Variants in SEL1L3 observed in about 807,000 individuals in gnomAD.
SEL1L3 encodes the protein protein sel-1 homolog 3.
Under a neutral mutation model 142.8 loss-of-function variants are expected in SEL1L3, and 76 were observed. The ratio of observed to expected loss-of-function variants is 0.53; its 90% CI spans 0.44 to 0.64. The LOEUF is 0.64. Among genes scored for constraint, SEL1L3 ranks in the 30% least tolerant of loss-of-function variants. SEL1L3 has a pLI of 0.00. For synonymous variants in SEL1L3, 504 were observed against 519.6 expected, an observed-to-expected ratio of 0.97 and a Z score of 0.41; for missense variants, 1,262 against 1,381.7, an observed-to-expected ratio of 0.91 and a Z score of 1.37.
intron 15 of SEL1L3, 101 bp from the exon 16 acceptor site, chr4:25,779,304 A>T (rs1321781275): frequency 4.7e-6 from 6 of 1,277,650 alleles, no homozygotes; most frequent in Non-Finnish European, 6.4e-6. Context: ...TTACAGGCTT[A>T]TAACTTCTGA....
chr4:25,729,927 C>CCTT, the SEL1L3 span, among the ~76,000 whole-genome samples: 5,647 of 151,284 alleles, frequency 0.037, 369 homozygotes, highest in African/African-American at 0.13. Flanking sequence ...TTCTTCTTCT[C>CCTT]CTTCTTCTTC....
At chr4:25,795,514 G>A (rs1712673548) in intron 11 of SEL1L3, among the ~76,000 whole-genome samples, 2 of 152,190 alleles carry the variant, frequency 1.3e-5, no homozygotes, top group Non-Finnish European at 2.9e-5. Flanking sequence ...CTGTGTGCTT[G>A]GCTGTACTGG....
At chr4:25,737,037 T>C in the SEL1L3 span, among the ~76,000 whole-genome samples, 1 of 150,498 alleles carries the variant, frequency 6.6e-6, no homozygotes, top group African/African-American at 2.4e-5. Flanking sequence ...CAGGCTGGAG[T>C]GCAATGGCAC....
chr4:25,775,654 T>TG (rs1560290489), intron 17 of SEL1L3, among the ~76,000 whole-genome samples: 1 of 152,210 alleles, frequency 6.6e-6, no homozygotes, highest in Non-Finnish European at 1.5e-5. Flanking sequence ...GTAAAATCTA[T>TG]GAGTAACAGC....
chr4:25,785,609 A>G (rs900635263), intron 13 of SEL1L3, among the ~76,000 whole-genome samples: 2 of 152,162 alleles, frequency 1.3e-5, no homozygotes, highest in African/African-American at 4.8e-5. Context: ...AAACCAATGA[A>G]CTGAAGCAAA....
rs765113575 is a variant in SEL1L3, at chr4:25,758,901, G to C, written c.3083+40C>G. On this transcript the variant is annotated intron_variant, in intron 21 of 23. Transcript: ENST00000399878. Reference sequence around the variant, plus strand: ...CAAGAAGCGAACATCATCTACTTGGGTTCCCTCAGATTCCACAGTTCTAGA... The same window carrying C: ...CAAGAAGCGAACATCATCTACTTGGCTTCCCTCAGATTCCACAGTTCTAGA... 3 of 1,576,992 alleles carry C rather than the reference G, an allele frequency of 1.9e-6. No individual in the cohort carries two copies. The African/African-American group carries it at 4.1e-5, about 22-fold the overall frequency.
intron 1 of SEL1L3, among the ~76,000 whole-genome samples, chr4:25,849,236 G>T (rs1389553957): frequency 6.6e-6 from 1 of 152,128 alleles, no homozygotes; most frequent in Non-Finnish European, 1.5e-5. Flanking sequence ...TTGTACACCC[G>T]TGTTCATAAC....
rs1159642488 is a variant in SEL1L3 at position 25,747,871 on chromosome 4, T to C, written c.*554A>G. 6.5e-6 allele frequency: 1 copy of C among 152,782 alleles called. No homozygotes were observed. Among genetic ancestry groups the C allele is most frequent in the Non-Finnish European group, 1.5e-5 (1 of 68,152 alleles). The allele number at this position is 152,782 out of a possible 1,614,324, so 9.5% of individuals were successfully genotyped here. A position where few individuals can be genotyped will look rare whatever the true frequency, so the allele number is the denominator to read the frequency against. On this transcript the variant is annotated 3_prime_UTR_variant, in exon 24 of 24. Transcript: ENST00000399878. ...AAAAATGTAAACCAATTTACAAAGCTATTGCCCTCCCTGCATTTCCAGGCA... is the reference window on the plus strand; with the variant it reads ...AAAAATGTAAACCAATTTACAAAGCCATTGCCCTCCCTGCATTTCCAGGCA...
At chr4:25,787,647 T>C (rs1711944618) in intron 13 of SEL1L3, among the ~76,000 whole-genome samples, 1 of 152,156 alleles carries the variant, frequency 6.6e-6, no homozygotes, top group African/African-American at 2.4e-5. Flanking sequence ...GAACACGGCA[T>C]TTTATGGTCC....
intron 2 of SEL1L3, among the ~76,000 whole-genome samples, chr4:25,837,192 G>A: frequency 6.6e-6 from 1 of 150,892 alleles, no homozygotes; most frequent in Non-Finnish European, 1.5e-5. Flanking sequence ...GAATCTGAAG[G>A]AAAAATTCAC....
chr4:25,862,917 CGCCCCCGGCCGGGCCG>C lies in SEL1L3; in HGVS notation c.-97_-82del. 1.0e-6 allele frequency: 1 copy of C among 962,206 alleles called. No homozygotes were observed. The highest frequency in any genetic ancestry group is 1.2e-6 in the Non-Finnish European group (1 of 807,880). 59.6% of individuals were successfully genotyped at this position (962,206 alleles called of 1,614,324 possible). On this transcript the variant is annotated 5_prime_UTR_variant, in exon 1 of 24. Coordinates refer to ENST00000399878, the MANE Select transcript of SEL1L3 (RefSeq NM_015187.5). ...CCGCCCGAGGCGCCACCTTCCCGCCCGCCCCCGGCCGGGCCGGCCGCCGCGCGCGGGGCCACCTGCC... is the reference window on the plus strand; with the variant it reads ...CCGCCCGAGGCGCCACCTTCCCGCCCGCCGCCGCGCGCGGGGCCACCTGCC...
At chr4:25,722,810 C>G in the SEL1L3 span, among the ~76,000 whole-genome samples, 1 of 152,018 alleles carries the variant, frequency 6.6e-6, no homozygotes, top group African/African-American at 2.4e-5. Context: ...TGTGGGCACA[C>G]AGGTTCAAGC....
intron 15 of SEL1L3, among the ~76,000 whole-genome samples, chr4:25,780,950 C>T (rs376547671): frequency 6.6e-6 from 1 of 151,430 alleles, no homozygotes; most frequent in Admixed American, 6.6e-5. Flanking sequence ...CTCAGCCTCT[C>T]GAGTGCCTGA....
At chr4:25,806,540 G>T (rs76027291) in intron 9 of SEL1L3, among the ~76,000 whole-genome samples, 2,727 of 152,206 alleles carry the variant, frequency 0.018, 38 homozygotes, top group Non-Finnish European at 0.03. Flanking sequence ...ATGCTGACAC[G>T]TTGTCAATGA....
In SEL1L3 at chr4:25,847,682, T is replaced by C; in HGVS notation, c.345A>G (p.Ala115=). ...TACTTCTGAACTCAGATGAAACAAC[T>C]GCTTCCAAATTGACAACACAAGGCT... The part of the protein sequence containing the change: ...CSQPCVVNLE[A]VVSSEFRSSI... Residue 115 remains alanine, a synonymous_variant, in exon 2 of 24, where the codon GCA becomes GCG. Transcript: ENST00000399878. The C allele has an allele frequency of 6.2e-7, 1 of 1,613,970 alleles. No individual in the cohort carries two copies. The highest frequency in any genetic ancestry group is 8.5e-7 in the Non-Finnish European group (1 of 1,179,876).
At chr4:25,775,272 G>A (rs1457843074) in intron 17 of SEL1L3, among the ~76,000 whole-genome samples, 2 of 152,184 alleles carry the variant, frequency 1.3e-5, no homozygotes, top group African/African-American at 2.4e-5. Context: ...ATAAAAATTT[G>A]CATTTGGTGC....
intron 14 of SEL1L3, among the ~76,000 whole-genome samples, chr4:25,783,721 A>T (rs919634720): frequency 1.3e-5 from 2 of 152,244 alleles, no homozygotes; most frequent in Non-Finnish European, 2.9e-5. Context: ...AGCTGACTTG[A>T]AGATACCACT....
Position 25,784,312 on chromosome 4 carries a change from T to C in SEL1L3, c.2218-22A>G, listed in dbSNP as rs746591653. 6.2e-6 allele frequency: 10 copies of C among 1,601,324 alleles called. No individual in the cohort carries two copies. The Admixed American group carries it at 1.7e-4, about 27-fold the overall frequency. ...GACCCTAAACATTGATAAACAGCGA[T>C]GATTACAAAGAAAATACAACCAGAC... On this transcript the variant is annotated intron_variant, in intron 13 of 23. Coordinates refer to ENST00000399878, the MANE Select transcript of SEL1L3 (RefSeq NM_015187.5).
chr4:25,847,875 GAAAA>G lies in SEL1L3; in HGVS notation c.163-15_163-12del, dbSNP rs1213185369. ...AGATGGTACAACATTCTGAAAAAAA[GAAAA>G]AGAAAGTAAGAAATACAGAAAGTTT... On this transcript the variant is annotated splice_polypyrimidine_tract_variant and intron_variant, in intron 1 of 23. Transcript: ENST00000399878. 4.7e-6 allele frequency: 7 copies of G among 1,476,000 alleles called. No homozygotes were observed. The African/African-American group carries it at 9.9e-5, about 21-fold the overall frequency. The allele number at this position is 1,476,000 out of a possible 1,614,324, so 91.4% of individuals were successfully genotyped here.
Sources: allele counts gnomAD v4.1 joint callset (sites outside exome capture counted in the v4.1 genomes callset), GRCh38; gene constraint gnomAD v4.1.1; transcripts MANE v1.5; gene names NCBI Gene and HGNC (gene_info 2026-07-23, HGNC 2026-07-21).